The following HCN1 variants were observed in gnomAD, a reference collection of about 807,000 sequenced individuals.
The protein encoded by HCN1 is potassium/sodium hyperpolarization-activated cyclic nucleotide-gated channel 1.
HCN1 carries 13 observed loss-of-function variants against 78.9 expected under a neutral mutation model. The ratio of observed to expected loss-of-function variants is 0.16; its 90% CI spans 0.11 to 0.26. The LOEUF (loss-of-function observed/expected upper bound fraction) is 0.26. Ranked by LOEUF, HCN1 falls within the 10% of genes least tolerant of loss-of-function variation. The pLI is 1.00. For synonymous variants in HCN1, 552 were observed against 455.5 expected (o/e 1.21, Z -2.70); for missense variants, 810 against 1,154.3 (o/e 0.70, Z 4.32).
chr5:45,341,641 C>T (rs910460665), intron 5 of HCN1, among the ~76,000 whole-genome samples: 1 of 152,166 alleles, frequency 6.6e-6, no homozygotes, highest in Non-Finnish European at 1.5e-5. Flanking sequence ...CCTGTAGTCT[C>T]TGTTACTCAG....
intron 2 of HCN1, among the ~76,000 whole-genome samples, chr5:45,630,980 T>C (rs928073091): frequency 4.6e-5 from 7 of 152,184 alleles, no homozygotes; most frequent in Non-Finnish European, 2.9e-5. Context: ...ACAGGAGCTA[T>C]ATTATAAAAA....
chr5:45,272,772 C>A (rs1326548255), intron 6 of HCN1, among the ~76,000 whole-genome samples: 4 of 151,938 alleles, frequency 2.6e-5, no homozygotes, highest in African/African-American at 9.6e-5. Context: ...TCAATGTAGA[C>A]ATGCCTTTAC....
intron 2 of HCN1, among the ~76,000 whole-genome samples, chr5:45,505,008 A>T (rs1016884837): frequency 1.8e-3 from 267 of 151,998 alleles, no homozygotes; most frequent in African/African-American, 5.8e-3. Flanking sequence ...TAGCCCTTTG[A>T]CAGATGAGTA....
At chr5:45,317,109 G>A (rs950595332) in intron 5 of HCN1, among the ~76,000 whole-genome samples, 12 of 152,096 alleles carry the variant, frequency 7.9e-5, no homozygotes, top group Non-Finnish European at 1.8e-4. Context: ...GCATTGCCAA[G>A]TCAAGCCTAA....
Position 45,259,009 on chromosome 5 carries a change from A to G in HCN1, c.*2912T>C, listed in dbSNP as rs1036588612. On this transcript the variant is annotated 3_prime_UTR_variant, in exon 8 of 8. Transcript: ENST00000303230. ...ACCACATTCTAAAAAGGCACAGAGCAAAAAAGAAAATAAGCTCATATTTTA... is the reference window on the plus strand; with the variant it reads ...ACCACATTCTAAAAAGGCACAGAGCGAAAAAGAAAATAAGCTCATATTTTA... The G allele has an allele frequency of 8.6e-5, 13 of 152,000 alleles. No homozygotes were observed. Among genetic ancestry groups the G allele is most frequent in the African/African-American group, 2.9e-4 (12 of 41,422 alleles). The allele number at this position is 152,000 out of a possible 1,614,324, so 9.4% of individuals were successfully genotyped here. A position where few individuals can be genotyped will look rare whatever the true frequency, so the allele number is the denominator to read the frequency against.
intron 3 of HCN1, among the ~76,000 whole-genome samples, chr5:45,407,078 T>C (rs548161493): frequency 6.6e-6 from 1 of 152,282 alleles, no homozygotes; most frequent in East Asian, 1.9e-4. Flanking sequence ...AGGTTCAATC[T>C]GAAACACTGA....
At chr5:45,263,783 T>G (rs1437350542) in intron 7 of HCN1, among the ~76,000 whole-genome samples, 2 of 151,762 alleles carry the variant, frequency 1.3e-5, no homozygotes, top group African/African-American at 2.4e-5. Context: ...TATTATTTAT[T>G]TATTTTATTT....
chr5:45,586,675 A>G (rs1010277366), intron 2 of HCN1, among the ~76,000 whole-genome samples: 1 of 151,796 alleles, frequency 6.6e-6, no homozygotes, highest in African/African-American at 2.4e-5. Context: ...CCTCCCTCCT[A>G]TTGTTGTTTT....
At chr5:45,410,059 C>T (rs1739995714) in intron 3 of HCN1, among the ~76,000 whole-genome samples, 1 of 151,800 alleles carries the variant, frequency 6.6e-6, no homozygotes, top group African/African-American at 2.4e-5. Flanking sequence ...ATTATATTTG[C>T]ATAATCATAA....
At chr5:45,504,087 C>T (rs1323147660) in intron 2 of HCN1, among the ~76,000 whole-genome samples, 1 of 151,996 alleles carries the variant, frequency 6.6e-6, no homozygotes, top group Non-Finnish European at 1.5e-5. Context: ...GCCAGGACCA[C>T]ATTTTATTAT....
At chr5:45,554,711 A>C (rs1242419793) in intron 2 of HCN1, among the ~76,000 whole-genome samples, 1 of 151,778 alleles carries the variant, frequency 6.6e-6, no homozygotes, top group Admixed American at 6.6e-5. Flanking sequence ...TCGGGCAAGG[A>C]GTTATTTAAT....
chr5:45,512,596 TTTTA>T (rs781110735), intron 2 of HCN1, among the ~76,000 whole-genome samples: 1 of 152,060 alleles, frequency 6.6e-6, no homozygotes, highest in Non-Finnish European at 1.5e-5. Flanking sequence ...CCATGAATAT[TTTTA>T]TTTATTTATT....
intron 5 of HCN1, among the ~76,000 whole-genome samples, chr5:45,325,080 G>T (rs1317057954): frequency 6.6e-6 from 1 of 151,618 alleles, no homozygotes; most frequent in Non-Finnish European, 1.5e-5. Flanking sequence ...AATGTACTCA[G>T]GATTATTACA....
In HCN1 at chr5:45,262,557, G is replaced by T. The variant is rs762879493; in HGVS notation, c.2037C>A (p.His679Gln). 3.7e-6 allele frequency: 6 copies of T among 1,613,904 alleles called. No homozygotes were observed. The African/African-American group carries it at 8.0e-5, about 22-fold the overall frequency. Residue 679 changes from histidine (H) to glutamine (Q), a missense_variant, in exon 8 of 8, where the codon CAC becomes CAA. His to Gln is a conservative substitution (Grantham distance 24). Coordinates refer to ENST00000303230, the MANE Select transcript of HCN1 (RefSeq NM_021072.4). Reference sequence around the variant, plus strand: ...GGGTCTGTGTGCTGGGACTGGGGGAGTGCAGGTTGCTGTGAGACAGGCTGG... The same window carrying T: ...GGGTCTGTGTGCTGGGACTGGGGGATTGCAGGTTGCTGTGAGACAGGCTGG... ...TATSLSHSNL[H>Q]SPSPSTQTPQ... is the part of the protein sequence containing the mutation.
intron 2 of HCN1, among the ~76,000 whole-genome samples, chr5:45,604,855 T>C (rs1228597470): frequency 6.6e-6 from 1 of 152,020 alleles, no homozygotes. Context: ...AGTTATAAAG[T>C]TACCCAAAGA....
chr5:45,634,366 CAT>C (rs1210632126), intron 2 of HCN1, among the ~76,000 whole-genome samples: 4 of 151,872 alleles, frequency 2.6e-5, no homozygotes, highest in African/African-American at 9.7e-5. Flanking sequence ...GATCTTGAAA[CAT>C]AAATTAATCA....
At chr5:45,396,238 T>G (rs1579866793) in intron 4 of HCN1, among the ~76,000 whole-genome samples, 1 of 152,160 alleles carries the variant, frequency 6.6e-6, no homozygotes, top group Non-Finnish European at 1.5e-5. Flanking sequence ...TTTTGAAATA[T>G]ATAGCTATTT....
intron 5 of HCN1, among the ~76,000 whole-genome samples, chr5:45,348,246 A>G (rs1233482035): frequency 6.6e-6 from 1 of 152,164 alleles, no homozygotes; most frequent in African/African-American, 2.4e-5. Flanking sequence ...TCAACCCAGA[A>G]TTTCATATCC....
chr5:45,608,029 C>CAAT (rs1561218355), intron 2 of HCN1, among the ~76,000 whole-genome samples: 10 of 151,904 alleles, frequency 6.6e-5, no homozygotes, highest in South Asian at 2.1e-4. Context: ...AGTAATGTTG[C>CAAT]TGGATTTAAA....
Sources: gnomAD v4.1 joint callset for allele counts (sites outside exome capture counted in the v4.1 genomes callset) on GRCh38, gnomAD v4.1.1 for gene constraint, MANE v1.5 for transcripts, NCBI Gene and HGNC (gene_info 2026-07-23, HGNC 2026-07-21) for gene names.